Variants in DOCK5 observed in about 807,000 individuals in gnomAD.
DOCK5 encodes the protein dedicator of cytokinesis 5.
A neutral mutation model predicts 251.8 loss-of-function variants in DOCK5; 142 were observed. The ratio of observed to expected loss-of-function variants is 0.56; its 90% CI spans 0.49 to 0.65. The LOEUF (loss-of-function observed/expected upper bound fraction) is 0.65, where lower values mean the gene tolerates loss of function less well. Among genes scored for constraint, DOCK5 ranks in the 30% least tolerant of loss-of-function variants. The probability of loss-of-function intolerance (pLI) is 0.00; values close to 1 mark genes in which losing one functional copy is unlikely to be tolerated. For missense variants in DOCK5, 2,111 were observed against 2,312.3 expected, an observed-to-expected ratio of 0.91 and a Z score of 1.79; for synonymous variants, 842 against 835.5, an observed-to-expected ratio of 1.01 and a Z score of -0.13.
intron 2 of DOCK5, among the ~76,000 whole-genome samples, chr8:25,243,981 C>T (rs531522092): frequency 6.6e-4 from 101 of 152,190 alleles, no homozygotes; most frequent in Non-Finnish European, 1.3e-3. Flanking sequence ...GGTGAAAGCT[C>T]ATGCATATGT....
chr8:25,366,293 C>G (rs1057398042), intron 30 of DOCK5, among the ~76,000 whole-genome samples: 8 of 152,290 alleles, frequency 5.3e-5, no homozygotes, highest in Middle Eastern at 6.8e-3. Flanking sequence ...GAGTTTAAGA[C>G]CAGCCTGGCC....
chr8:25,287,545 G>GA, intron 5 of DOCK5, among the ~76,000 whole-genome samples: 1 of 152,250 alleles, frequency 6.6e-6, no homozygotes, highest in Middle Eastern at 3.4e-3. Context: ...TTGCTATCTT[G>GA]AAAAAAATTT....
intron 5 of DOCK5, among the ~76,000 whole-genome samples, chr8:25,286,854 A>G (rs1052730589): frequency 2.6e-5 from 4 of 151,846 alleles, no homozygotes; most frequent in African/African-American, 7.3e-5. Context: ...GTAGAGACAG[A>G]GTCTTACCAT....
At chr8:25,205,174 A>G (rs1801970252) in intron 1 of DOCK5, among the ~76,000 whole-genome samples, 1 of 152,042 alleles carries the variant, frequency 6.6e-6, no homozygotes, top group Admixed American at 6.6e-5. Flanking sequence ...CTTGGATTAC[A>G]GGTGTCAGCC....
chr8:25,304,516 A>G (rs1586312217), intron 11 of DOCK5, 189 bp downstream of exon 11: 1 of 519,990 alleles, frequency 1.9e-6, no homozygotes, highest in Non-Finnish European at 3.3e-6. Context: ...CCCATTGAAG[A>G]GGGTAAACTG....
At chr8:25,214,226 G>T (rs1467076) in intron 1 of DOCK5, among the ~76,000 whole-genome samples, 11,567 of 152,152 alleles carry the variant, frequency 0.076, 811 homozygotes, top group African/African-American at 0.18. Context: ...AGGTTCTGTT[G>T]TCTCCCTCAC....
intron 1 of DOCK5, among the ~76,000 whole-genome samples, chr8:25,196,642 C>G (rs939511544): frequency 6.6e-6 from 1 of 152,172 alleles, no homozygotes; most frequent in African/African-American, 2.4e-5. Context: ...TTCTCCTCAT[C>G]TAAATTTCAA....
intron 26 of DOCK5, among the ~76,000 whole-genome samples, chr8:25,348,448 A>G (rs1463651344): frequency 3.9e-5 from 6 of 152,338 alleles, no homozygotes; most frequent in Non-Finnish European, 8.8e-5. Context: ...TGCTCCAGGC[A>G]CTGGGATCAG....
At chr8:25,382,640 A>T (rs1203512989) in intron 39 of DOCK5, 34 bp from the exon 40 acceptor site, 2 of 1,531,780 alleles carry the variant, frequency 1.3e-6, no homozygotes, top group Non-Finnish European at 1.8e-6. Flanking sequence ...TGTACTTATA[A>T]CCTCCCCTTG....
chr8:25,254,659 C>G, intron 2 of DOCK5, among the ~76,000 whole-genome samples: 1 of 151,424 alleles, frequency 6.6e-6, no homozygotes, highest in Non-Finnish European at 1.5e-5. Context: ...GCTGTAATCC[C>G]AGCTACTTGA....
chr8:25,276,034 AT>A (rs1412315374), intron 4 of DOCK5, among the ~76,000 whole-genome samples: 2 of 151,978 alleles, frequency 1.3e-5, no homozygotes, highest in Non-Finnish European at 2.9e-5. Context: ...TCTACATTAC[AT>A]TTATTATCTG....
In DOCK5 at chr8:25,389,064, A is replaced by G. The variant is rs767609972; in HGVS notation, c.4132-27A>G. On this transcript the variant is annotated intron_variant, in intron 40 of 51. Coordinates refer to ENST00000276440, the MANE Select transcript of DOCK5 (RefSeq NM_024940.8). ...GCCTCTCCACTCTTCCTATGTAATGACTTCCCTTTCTGTGTCTCACCTGCA... is the reference window on the plus strand; with the variant it reads ...GCCTCTCCACTCTTCCTATGTAATGGCTTCCCTTTCTGTGTCTCACCTGCA... 3.5e-5 allele frequency: 57 copies of G among 1,610,136 alleles called. No individual in the cohort carries two copies. The South Asian group carries it at 5.8e-4, about 16-fold the overall frequency.
intron 42 of DOCK5, 146 bp from the exon 43 acceptor site, chr8:25,391,750 C>G: frequency 1.9e-6 from 1 of 534,828 alleles, no homozygotes; most frequent in Non-Finnish European, 3.3e-6. Flanking sequence ...CTTTCTCAGG[C>G]CTTCATGTGG....
At chr8:25,337,153 G>A (rs1190097840) in intron 22 of DOCK5, among the ~76,000 whole-genome samples, 1 of 151,974 alleles carries the variant, frequency 6.6e-6, no homozygotes. Flanking sequence ...AACAAAAACA[G>A]GTAATTTACA....
At chr8:25,293,364 C>T (rs2117153664) in intron 6 of DOCK5, among the ~76,000 whole-genome samples, 1 of 152,280 alleles carries the variant, frequency 6.6e-6, no homozygotes, top group South Asian at 2.1e-4. Context: ...CCGAAGTGAA[C>T]ATGCCATGCA....
chr8:25,287,282 C>T (rs192427495), intron 5 of DOCK5, among the ~76,000 whole-genome samples: 11 of 152,228 alleles, frequency 7.2e-5, no homozygotes, highest in African/African-American at 2.6e-4. Flanking sequence ...AGAAAATTAT[C>T]TCATTGTGTG....
intron 3 of DOCK5, among the ~76,000 whole-genome samples, chr8:25,273,080 A>G (rs75886669): frequency 3.2e-5 from 4 of 126,476 alleles, no homozygotes; most frequent in African/African-American, 6.3e-5. Flanking sequence ...GCGCAGTGGC[A>G]CAGTGGCACA....
intron 48 of DOCK5, among the ~76,000 whole-genome samples, 196 bp from the exon 49 acceptor site, chr8:25,407,787 C>T (rs1801547860): frequency 6.6e-6 from 1 of 150,604 alleles, no homozygotes; most frequent in Non-Finnish European, 1.5e-5. Flanking sequence ...GTCCCAGCCA[C>T]TCAGAAGTCA....
chr8:25,190,239 A>G (rs535684608), intron 1 of DOCK5, among the ~76,000 whole-genome samples: 9 of 152,356 alleles, frequency 5.9e-5, no homozygotes, highest in Admixed American at 1.3e-4. Context: ...GTCACTGTAG[A>G]AATAAAAATT....
Sources: allele counts gnomAD v4.1 joint callset (sites outside exome capture counted in the v4.1 genomes callset), GRCh38; gene constraint gnomAD v4.1.1; transcripts MANE v1.5; gene names NCBI Gene and HGNC (gene_info 2026-07-23, HGNC 2026-07-21).